The following PDE3B variants were observed in gnomAD, a reference collection of about 807,000 sequenced individuals.
The protein encoded by PDE3B is cGMP-inhibited 3',5'-cyclic phosphodiesterase 3B.
PDE3B carries 66 observed loss-of-function variants against 116.8 expected under a neutral mutation model. The ratio of observed to expected loss-of-function variants is 0.56; its 90% confidence interval spans 0.46 to 0.69. PDE3B has a LOEUF of 0.69. PDE3B is among the 30% of genes least tolerant of loss of function. PDE3B has a pLI of 0.00. For synonymous variants in PDE3B, 595 were observed against 533.6 expected (o/e 1.12, Z -1.59); for missense variants, 1,384 against 1,368.1 (o/e 1.01, Z -0.18).
At chr11:14,788,922 A>C (rs1186852981) in intron 3 of PDE3B, 184 bp from the exon 4 acceptor site, 2 of 410,486 alleles carry the variant, frequency 4.9e-6, no homozygotes, top group East Asian at 3.8e-5. Context: ...GAAGAGGAAT[A>C]GAATAACAAA....
the PDE3B span, chr11:14,879,515 T>C: frequency 1.6e-6 from 2 of 1,264,462 alleles, no homozygotes; most frequent in South Asian, 2.5e-5. Context: ...CCCTCTGGAA[T>C]AAAATAAAGG....
At chr11:14,661,349 G>T (rs1299629996) in intron 1 of PDE3B, among the ~76,000 whole-genome samples, 1 of 152,234 alleles carries the variant, frequency 6.6e-6, no homozygotes, top group Non-Finnish European at 1.5e-5. Flanking sequence ...AATAGGAACA[G>T]CTCCGGTCTA....
chr11:14,676,221 T>C lies in PDE3B; in HGVS notation c.978+31168T>C, dbSNP rs562112454. Among the ~76,000 whole-genome samples, 7 of 152,328 alleles carry C rather than the reference T, an allele frequency of 4.6e-5. No homozygotes were observed. In the South Asian group the frequency reaches 1.2e-3, roughly 27 times the overall value. On this transcript the variant is annotated intron_variant, in intron 1 of 15. Coordinates refer to ENST00000282096, the MANE Select transcript of PDE3B (RefSeq NM_000922.4). ...GGTTTGTAGTTGTTTTAGACAGTCA[T>C]GCGTTGCTTAACAGTGAGGATATGT...
intron 1 of PDE3B, among the ~76,000 whole-genome samples, chr11:14,691,918 A>G (rs1291500767): frequency 1.3e-5 from 2 of 152,136 alleles, no homozygotes; most frequent in Non-Finnish European, 2.9e-5. Flanking sequence ...ATCATTTACA[A>G]TTTAATAGGA....
intron 1 of PDE3B, among the ~76,000 whole-genome samples, chr11:14,766,797 A>G (rs1485267303): frequency 2.0e-5 from 3 of 151,692 alleles, no homozygotes; most frequent in Non-Finnish European, 4.4e-5. Flanking sequence ...CATATTTCCC[A>G]GTCTATATCA....
At chr11:14,798,105 A>C (rs572385756) in intron 4 of PDE3B, among the ~76,000 whole-genome samples, 21 of 152,200 alleles carry the variant, frequency 1.4e-4, no homozygotes, top group Non-Finnish European at 2.6e-4. Context: ...GATACATTCC[A>C]TTGATACCTA....
chr11:14,729,007 C>T (rs933403957), intron 1 of PDE3B, among the ~76,000 whole-genome samples: 2 of 152,084 alleles, frequency 1.3e-5, no homozygotes, highest in African/African-American at 2.4e-5. Context: ...AAGAGATACC[C>T]GTGAACCACC....
In PDE3B at chr11:14,861,310, G is replaced by T. The variant is rs1555007123; in HGVS notation, c.2830G>T (p.Val944Phe). ...KLADINGPAK[V>F]RDLHLKWTEG... is the part of the protein sequence containing the mutation. ...GGCAGATATAAATGGCCCAGCAAAA[G>T]TTCGAGACTTGCATTTGAAATGGAC... is the stretch of plus-strand genomic sequence containing the variant. Residue 944 changes from valine to phenylalanine, a missense_variant, in exon 14 of 16, where the codon GTT becomes TTT. Transcript: ENST00000282096. 1 of 1,613,952 alleles carries T rather than the reference G, an allele frequency of 6.2e-7. No individual in the cohort carries two copies. The highest frequency in any genetic ancestry group is 2.2e-5 in the East Asian group (1 of 44,866).
intron 12 of PDE3B, among the ~76,000 whole-genome samples, chr11:14,847,452 C>G (rs918762484): frequency 6.6e-6 from 1 of 151,148 alleles, no homozygotes; most frequent in Non-Finnish European, 1.5e-5. Context: ...AGAGCAAACA[C>G]ATTCAAAAGC....
intron 1 of PDE3B, among the ~76,000 whole-genome samples, chr11:14,678,854 T>C (rs552835754): frequency 9.8e-5 from 15 of 152,318 alleles, no homozygotes; most frequent in African/African-American, 2.4e-4. Flanking sequence ...TTTTTTCTTA[T>C]GTTTTCTTAT....
At position 14,786,472 on chromosome 11, in the gene PDE3B, G is replaced by A; in HGVS notation, c.1065G>A (p.Val355=). ...SGGGNGVDLS[V]LNEARNMVSD... is the part of the protein sequence containing the mutation. ...GTGGAAATGGAGTTGATCTTTCAGT[G>A]CTAAATGAGGCTCGCAATATGGTGT... The change falls in exon 3 of 16, where the codon GTG becomes GTA. Residue 355 remains valine, a synonymous_variant. Coordinates refer to ENST00000282096, the MANE Select transcript of PDE3B (RefSeq NM_000922.4). 1.2e-6 allele frequency: 2 copies of A among 1,612,174 alleles called. No individual in the cohort carries two copies. The highest frequency in any genetic ancestry group is 1.7e-6 in the Non-Finnish European group (2 of 1,178,602).
chr11:14,832,667 G>A, intron 9 of PDE3B, 55 bp from the exon 10 acceptor site: 1 of 677,008 alleles, frequency 1.5e-6, no homozygotes, highest in African/African-American at 1.9e-5. Context: ...ATTATACTCA[G>A]CTACAAATAG....
At chr11:14,675,748 C>G (rs1220782582) in intron 1 of PDE3B, among the ~76,000 whole-genome samples, 1 of 152,026 alleles carries the variant, frequency 6.6e-6, no homozygotes, top group Non-Finnish European at 1.5e-5. Context: ...GAATACATCA[C>G]AATTTATTTA....
chr11:14,794,691 T>G (rs952989509), intron 4 of PDE3B, among the ~76,000 whole-genome samples: 1 of 152,148 alleles, frequency 6.6e-6, no homozygotes, highest in African/African-American at 2.4e-5. Context: ...CCGACAAGAC[T>G]GATCTCCACT....
Position 14,803,995 on chromosome 11 carries a change from G to A in PDE3B, c.1467G>A (p.Pro489=), listed in dbSNP as rs569220462. Reference sequence around the variant, plus strand: ...TTAATTCAAATCTACTGACTATCCCGAAGCAAAGGTCATCTTCTGTATCAC... The same window carrying A: ...TTAATTCAAATCTACTGACTATCCCAAAGCAAAGGTCATCTTCTGTATCAC... ...GPFNSNLLTI[P]KQRSSSVSLT... Residue 489 remains proline (P), a synonymous_variant, in exon 5 of 16, where the codon CCG becomes CCA. Coordinates refer to ENST00000282096, the MANE Select transcript of PDE3B (RefSeq NM_000922.4). 2.4e-5 allele frequency: 38 copies of A among 1,611,896 alleles called. No homozygotes were observed. Among genetic ancestry groups the A allele is most frequent in the African/African-American group, 9.3e-5 (7 of 74,972 alleles).
At chr11:14,754,426 A>C (rs1196609871) in intron 1 of PDE3B, among the ~76,000 whole-genome samples, 1 of 152,134 alleles carries the variant, frequency 6.6e-6, no homozygotes, top group Non-Finnish European at 1.5e-5. Flanking sequence ...GTATTATCTC[A>C]CTTGATGTCT....
intron 9 of PDE3B, among the ~76,000 whole-genome samples, chr11:14,832,329 A>G (rs539905774): frequency 7.2e-5 from 11 of 152,342 alleles, no homozygotes; most frequent in South Asian, 4.1e-4. Flanking sequence ...TGTGAAATAT[A>G]TAAGTTCATT....
intron 1 of PDE3B, among the ~76,000 whole-genome samples, chr11:14,747,022 A>G (rs1253917197): frequency 6.6e-6 from 1 of 152,214 alleles, no homozygotes; most frequent in Non-Finnish European, 1.5e-5. Flanking sequence ...CGAGTGCCTC[A>G]GTAAGCTTAC....
intron 1 of PDE3B, among the ~76,000 whole-genome samples, chr11:14,686,285 T>G (rs1397660929): frequency 6.6e-6 from 1 of 152,248 alleles, no homozygotes; most frequent in Non-Finnish European, 1.5e-5. Context: ...TCAACCCTTA[T>G]GTGCTAATGA....
Sources: gnomAD v4.1 joint callset for allele counts (sites outside exome capture counted in the v4.1 genomes callset) on GRCh38, gnomAD v4.1.1 for gene constraint, MANE v1.5 for transcripts, NCBI Gene and HGNC (gene_info 2026-07-23, HGNC 2026-07-21) for gene names.